SMIM7: variants seen among roughly 807,000 people sequenced by gnomAD.
SMIM7 encodes UPF0608 protein C19orf42.
SMIM7 carries 12 observed loss-of-function variants against 13.3 expected under a neutral mutation model. That is an observed-to-expected ratio of 0.90 (90% CI 0.58 to 1.46). SMIM7 has a LOEUF of 1.46. Among genes scored for constraint, SMIM7 ranks in the 40% most tolerant of loss-of-function variants. The pLI is 0.00. For synonymous variants in SMIM7, 36 were observed against 35.8 expected (o/e 1.01, Z -0.02); for missense variants, 114 against 94.8 (o/e 1.20, Z -0.84).
chr19:16,652,705 A>G, intron 4 of SMIM7: 1 of 1,431,734 alleles, frequency 7.0e-7, no homozygotes, highest in South Asian at 1.5e-5. Flanking sequence ...CTTCGCAAAC[A>G]GCCACTGGGG....
At chr19:16,658,660 T>C (rs1048036977) in intron 3 of SMIM7, among the ~76,000 whole-genome samples, 64 of 152,200 alleles carry the variant, frequency 4.2e-4, no homozygotes, top group African/African-American at 1.5e-3. Flanking sequence ...AAAAATCTAA[T>C]GTTGGCATCT....
At chr19:16,639,674 C>G (rs1034831386) in intron 4 of SMIM7, among the ~76,000 whole-genome samples, 4 of 152,196 alleles carry the variant, frequency 2.6e-5, no homozygotes, top group African/African-American at 9.6e-5. Flanking sequence ...TGTGTGGTGG[C>G]AGAGACCTGG....
intron 4 of SMIM7, among the ~76,000 whole-genome samples, chr19:16,647,466 T>C (rs1268298628): frequency 1.3e-5 from 2 of 151,592 alleles, no homozygotes; most frequent in Non-Finnish European, 2.9e-5. Flanking sequence ...ATACTCTTTT[T>C]TTTTTTTTAG....
At chr19:16,655,087 G>C (rs894334224) in intron 3 of SMIM7, among the ~76,000 whole-genome samples, 2 of 152,186 alleles carry the variant, frequency 1.3e-5, no homozygotes, top group Non-Finnish European at 2.9e-5. Context: ...TGAAGGACTG[G>C]TTTGACACCT....
At chr19:16,651,041 T>C (rs2086518182) in intron 4 of SMIM7, among the ~76,000 whole-genome samples, 1 of 152,218 alleles carries the variant, frequency 6.6e-6, no homozygotes, top group African/African-American at 2.4e-5. Flanking sequence ...GCCAGTCACA[T>C]GGGCATCCTT....
Position 16,648,774 on chromosome 19 carries a change from AGGTGGGT to A in SMIM7, c.213-1520_213-1514del, listed in dbSNP as rs371831794. 4.7e-3 allele frequency among the ~76,000 whole-genome samples: 719 copies of A among 152,298 alleles called. 5 individuals are homozygous for A. Among genetic ancestry groups the A allele is most frequent in the African/African-American group, 0.016 (674 of 41,574 alleles). Reference sequence around the variant, plus strand: ...GTAATCCCAGCACTTTAGGAGGCTGAGGTGGGTGGATCACTTGAGCCCAGGAGTTCTG... The same window carrying A: ...GTAATCCCAGCACTTTAGGAGGCTGAGGATCACTTGAGCCCAGGAGTTCTG... On this transcript the variant is annotated intron_variant, in intron 4 of 4. Transcript: ENST00000487416.
intron 4 of SMIM7, among the ~76,000 whole-genome samples, chr19:16,651,570 C>T (rs1041172321): frequency 5.9e-5 from 9 of 152,150 alleles, no homozygotes; most frequent in African/African-American, 2.2e-4. Context: ...GTTCTGGTCA[C>T]AGACTAGCAG....
At chr19:16,659,330 G>A in intron 3 of SMIM7, 65 bp downstream of exon 3, 7 of 1,398,294 alleles carry the variant, frequency 5.0e-6, no homozygotes, top group Admixed American at 1.9e-5. Context: ...CGAAGGTAGG[G>A]CTTGGCGAAA....
chr19:16,635,061 G>C (rs1417343301), intron 4 of SMIM7: 2 of 152,016 alleles, frequency 1.3e-5, no homozygotes, highest in Admixed American at 6.6e-5. Flanking sequence ...TTTGGGGCTG[G>C]CTAAAGAGTC....
At chr19:16,631,584 G>A (rs1312575340) in exon 5 of SMIM7, 1 of 152,104 alleles carries the variant, frequency 6.6e-6, no homozygotes, top group Non-Finnish European at 1.5e-5. Context: ...GCAGGAACCG[G>A]GATATTCAAG....
chr19:16,649,301 G>A (rs112514107), intron 4 of SMIM7, among the ~76,000 whole-genome samples: 1 of 152,146 alleles, frequency 6.6e-6, no homozygotes, highest in Admixed American at 6.5e-5. Flanking sequence ...GTTTCAGCCA[G>A]GCGCAGTGGT....
intron 4 of SMIM7, among the ~76,000 whole-genome samples, chr19:16,636,698 T>A (rs2086363538): frequency 1.3e-5 from 2 of 152,216 alleles, no homozygotes; most frequent in Admixed American, 1.3e-4. Flanking sequence ...ATGCCTATAA[T>A]CCTGGCACTT....
At chr19:16,654,220 G>C (rs185598436) in intron 3 of SMIM7, 95 bp from the exon 4 acceptor site, 107 of 973,862 alleles carry the variant, frequency 1.1e-4, no homozygotes, top group Non-Finnish European at 1.8e-5. Flanking sequence ...CCCACCCGGC[G>C]CTTGCTGCCT....
chr19:16,654,936 C>G (rs376003579), intron 3 of SMIM7, among the ~76,000 whole-genome samples: 2 of 152,248 alleles, frequency 1.3e-5, no homozygotes, highest in East Asian at 1.9e-4. Context: ...ATGCCAACCC[C>G]TGCTCTGGGG....
intron 2 of SMIM7, 152 bp from the exon 3 acceptor site, chr19:16,659,599 G>A: frequency 1.3e-6 from 1 of 762,938 alleles, no homozygotes; most frequent in East Asian, 2.7e-5. Context: ...ACCCTTCTCT[G>A]GGCCCCCACT....
At chr19:16,657,626 G>A (rs1378261150) in intron 3 of SMIM7, among the ~76,000 whole-genome samples, 1 of 152,198 alleles carries the variant, frequency 6.6e-6, no homozygotes, top group Non-Finnish European at 1.5e-5. Context: ...ATGGGAAAGT[G>A]ACCATTATCT....
intron 4 of SMIM7, chr19:16,652,572 A>T (rs548963336): frequency 3.9e-4 from 453 of 1,159,030 alleles, no homozygotes; most frequent in Non-Finnish European, 4.5e-4. Context: ...AGTCTCATAC[A>T]TGCTCTCAGA....
Position 16,646,828 on chromosome 19 carries a change from ACAGGGCCCCTGGCCGGGCCCAG to A in SMIM7, c.*396_*417del, listed in dbSNP as rs1471040786. The stretch of plus-strand genomic sequence containing the variant: ...GTTGGGATGTGAAAGCAGTTTGTTA[ACAGGGCCCCTGGCCGGGCCCAG>A]AGGCTGTCAGACTCAGCAAGTAACA... On this transcript the variant is annotated 3_prime_UTR_variant, in exon 5 of 5. Transcript: ENST00000487416. 4.2e-6 allele frequency: 1 copy of A among 237,290 alleles called. No individual in the cohort carries two copies. The highest frequency in any genetic ancestry group is 1.1e-4 in the East Asian group (1 of 8,914). The allele number at this position is 237,290 out of a possible 1,614,324, so 14.7% of individuals were successfully genotyped here.
At chr19:16,654,783 C>T (rs1366505655) in intron 3 of SMIM7, among the ~76,000 whole-genome samples, 1 of 152,102 alleles carries the variant, frequency 6.6e-6, no homozygotes. Context: ...TTATGGCACA[C>T]AGCCATACCC....
Sources: allele counts gnomAD v4.1 joint callset (sites outside exome capture counted in the v4.1 genomes callset), GRCh38; gene constraint gnomAD v4.1.1; transcripts MANE v1.5; gene names NCBI Gene and HGNC (gene_info 2026-07-23, HGNC 2026-07-21).